Variants in SOX6 observed in about 807,000 individuals in gnomAD.
SOX6 encodes the protein SRY-box transcription factor 6.
SOX6 carries 11 observed loss-of-function variants against 97.8 expected under a neutral mutation model. That is an observed-to-expected ratio of 0.11 (90% CI 0.07 to 0.19). The LOEUF (loss-of-function observed/expected upper bound fraction) is 0.19, where lower values mean the gene tolerates loss of function less well. Among genes scored for constraint, SOX6 ranks in the 10% least tolerant of loss-of-function variants. The probability of loss-of-function intolerance (pLI) is 1.00; values close to 1 mark genes in which losing one functional copy is unlikely to be tolerated. For synonymous variants in SOX6, 360 were observed against 371.4 expected, an observed-to-expected ratio of 0.97 and a Z score of 0.35; for missense variants, 810 against 1,039.5, an observed-to-expected ratio of 0.78 and a Z score of 3.04.
intron 4 of SOX6, among the ~76,000 whole-genome samples, chr11:16,535,476 A>G (rs1405271693): frequency 6.6e-6 from 1 of 152,152 alleles, no homozygotes; most frequent in Non-Finnish European, 1.5e-5. Context: ...AGTTGAAACC[A>G]GCCTAGGCAA....
chr11:16,091,156 C>A (rs1319940444), intron 9 of SOX6, among the ~76,000 whole-genome samples: 2 of 152,006 alleles, frequency 1.3e-5, no homozygotes, highest in African/African-American at 4.8e-5. Context: ...CCAAATTCCA[C>A]CACACTCTTA....
intron 4 of SOX6, among the ~76,000 whole-genome samples, chr11:16,595,333 T>G (rs1196148709): frequency 1.3e-5 from 2 of 152,180 alleles, no homozygotes; most frequent in Non-Finnish European, 2.9e-5. Context: ...AGTGATTATG[T>G]CGCAGTCATA....
At chr11:16,708,531 A>T (rs1848153917) in intron 3 of SOX6, among the ~76,000 whole-genome samples, 1 of 152,238 alleles carries the variant, frequency 6.6e-6, no homozygotes, top group South Asian at 2.1e-4. Flanking sequence ...AATATATCTT[A>T]TGCTTTCAAA....
At chr11:16,110,370 C>T (rs1048261291) in intron 7 of SOX6, 1 of 148,744 alleles carries the variant, frequency 6.7e-6, no homozygotes, top group Non-Finnish European at 1.5e-5. Flanking sequence ...GAATGACTTA[C>T]AGAGATCACA....
chr11:16,243,218 A>G (rs1853243915), intron 3 of SOX6, among the ~76,000 whole-genome samples: 1 of 151,984 alleles, frequency 6.6e-6, no homozygotes, highest in African/African-American at 2.4e-5. Context: ...CTTCTCATGT[A>G]TTAATCAACT....
intron 4 of SOX6, among the ~76,000 whole-genome samples, chr11:16,202,675 C>G (rs1851971721): frequency 6.6e-6 from 1 of 152,000 alleles, no homozygotes; most frequent in African/African-American, 2.4e-5. Flanking sequence ...CAGAACTGAA[C>G]TACACTTGAG....
chr11:16,654,844 T>C (rs1314480080), intron 3 of SOX6, among the ~76,000 whole-genome samples: 1 of 152,166 alleles, frequency 6.6e-6, no homozygotes, highest in Non-Finnish European at 1.5e-5. Context: ...ATGATGAACC[T>C]GTTGAGGGAC....
chr11:16,277,761 G>A (rs1240654059), intron 3 of SOX6, among the ~76,000 whole-genome samples: 1 of 152,198 alleles, frequency 6.6e-6, no homozygotes, highest in Non-Finnish European at 1.5e-5. Flanking sequence ...GATTGGAAGT[G>A]TAGCATTCAC....
chr11:16,001,290 A>G (rs950257074), intron 13 of SOX6, among the ~76,000 whole-genome samples: 2 of 152,220 alleles, frequency 1.3e-5, no homozygotes, highest in Non-Finnish European at 1.5e-5. Context: ...GTAACTTTGC[A>G]TAAAATAATA....
intron 1 of SOX6, among the ~76,000 whole-genome samples, chr11:16,353,181 AC>A (rs2134362655): frequency 6.6e-6 from 1 of 152,162 alleles, no homozygotes; most frequent in South Asian, 2.1e-4. Flanking sequence ...GAGAAACCAC[AC>A]CAGCTATATC....
chr11:16,469,230 T>A (rs909232365), intron 1 of SOX6, among the ~76,000 whole-genome samples: 1 of 152,128 alleles, frequency 6.6e-6, no homozygotes, highest in East Asian at 1.9e-4. Flanking sequence ...TTTAGAGCAG[T>A]TTGTTCTGGT....
chr11:16,663,554 C>T (rs1258521604), intron 3 of SOX6, among the ~76,000 whole-genome samples: 3 of 152,132 alleles, frequency 2.0e-5, no homozygotes, highest in Non-Finnish European at 2.9e-5. Flanking sequence ...AATGCCTGAG[C>T]TAAAGAAATC....
chr11:15,979,065 A>ATATATAT (rs59143054), intron 15 of SOX6, among the ~76,000 whole-genome samples: 1 of 140,612 alleles, frequency 7.1e-6, no homozygotes, highest in Non-Finnish European at 1.5e-5. Context: ...ATATATATAT[A>ATATATAT]AAACTGCTTA....
chr11:16,214,969 C>G (rs988751300), intron 4 of SOX6, among the ~76,000 whole-genome samples: 5 of 151,974 alleles, frequency 3.3e-5, no homozygotes, highest in African/African-American at 1.2e-4. Flanking sequence ...CGGCTGGCCT[C>G]GAACTCCTGA....
chr11:16,550,275 T>G (rs1288403839), intron 4 of SOX6, among the ~76,000 whole-genome samples: 4 of 152,016 alleles, frequency 2.6e-5, no homozygotes, highest in Admixed American at 2.6e-4. Flanking sequence ...ATGAGAACAC[T>G]TGCACACAGG....
At chr11:16,154,940 C>T (rs776719611) in intron 6 of SOX6, among the ~76,000 whole-genome samples, 3 of 151,944 alleles carry the variant, frequency 2.0e-5, no homozygotes, top group Non-Finnish European at 4.4e-5. Flanking sequence ...ATTTACAAGT[C>T]GTGAACCTGG....
chr11:16,157,367 C>G (rs1200612745), intron 6 of SOX6, among the ~76,000 whole-genome samples: 1 of 151,960 alleles, frequency 6.6e-6, no homozygotes, highest in Non-Finnish European at 1.5e-5. Context: ...CTAACTCAGA[C>G]TCAATTTACA....
intron 3 of SOX6, among the ~76,000 whole-genome samples, chr11:16,253,664 A>G (rs1779104463): frequency 1.3e-5 from 2 of 152,138 alleles, no homozygotes; most frequent in Admixed American, 1.3e-4. Context: ...TATCAACAGA[A>G]ATCTCCAAAG....
At position 16,463,354 on chromosome 11, in the gene SOX6, T is replaced by C. The variant is rs150380016; in HGVS notation, c.-5+12961A>G. 8.5e-3 allele frequency among the ~76,000 whole-genome samples: 1,292 copies of C among 152,314 alleles called. 21 individuals are homozygous for C. The highest frequency in any genetic ancestry group is 0.028 in the African/African-American group (1,178 of 41,578). On this transcript the variant is annotated intron_variant, in intron 1 of 15. Transcript: ENST00000396356. ...TATACAAGTTTGAACAAAACAGTCATGGTCTCTTCCCTGACAGAGCTTTTA... is the reference window on the plus strand; with the variant it reads ...TATACAAGTTTGAACAAAACAGTCACGGTCTCTTCCCTGACAGAGCTTTTA...
Sources: allele counts gnomAD v4.1 joint callset (sites outside exome capture counted in the v4.1 genomes callset), GRCh38; gene constraint gnomAD v4.1.1; transcripts MANE v1.5; gene names NCBI Gene and HGNC (gene_info 2026-07-23, HGNC 2026-07-21).